The following TENM2 variants were observed in gnomAD, a reference collection of about 807,000 sequenced individuals.
TENM2 encodes the protein teneurin transmembrane protein 2.
TENM2 carries 52 observed loss-of-function variants against 245.2 expected under a neutral mutation model. That is an observed-to-expected ratio of 0.21 (90% CI 0.17 to 0.27). TENM2 has a LOEUF of 0.27. Among genes scored for constraint, TENM2 ranks in the 10% least tolerant of loss-of-function variants. The probability of loss-of-function intolerance (pLI) is 1.00; values close to 1 mark genes in which losing one functional copy is unlikely to be tolerated. For missense variants in TENM2, 3,046 were observed against 3,666.8 expected (o/e 0.83, Z 4.37); for synonymous variants, 1,363 against 1,438.9 (o/e 0.95, Z 1.19).
At chr5:167,754,570 A>G (rs1326196107) in intron 2 of TENM2, among the ~76,000 whole-genome samples, 1 of 152,158 alleles carries the variant, frequency 6.6e-6, no homozygotes, top group Non-Finnish European at 1.5e-5. Flanking sequence ...CTTCTGCCTA[A>G]GTGGAAATGC....
chr5:167,429,033 G>A (rs991750921), intron 2 of TENM2, among the ~76,000 whole-genome samples: 8 of 152,046 alleles, frequency 5.3e-5, no homozygotes, highest in Admixed American at 2.6e-4. Flanking sequence ...TTTTATACAC[G>A]TGTGTTTTTT....
chr5:167,979,290 C>G lies in TENM2; in HGVS notation c.948-13654C>G, dbSNP rs2617982. 5.2e-3 allele frequency among the ~76,000 whole-genome samples: 787 copies of G among 152,260 alleles called. 6 individuals carry two copies. The highest frequency in any genetic ancestry group is 0.018 in the African/African-American group (742 of 41,538). ...GGATTTTTCCAAGATTAAAACCATT[C>G]TATCATATTCTATTAAAAGTGATTT... On this transcript the variant is annotated intron_variant, in intron 4 of 28. Coordinates refer to ENST00000518659, the Ensembl canonical transcript of TENM2.
chr5:168,263,050 T>A, downstream of TENM2: 1 of 473,450 alleles, frequency 2.1e-6, no homozygotes, highest in Non-Finnish European at 3.8e-6. Flanking sequence ...AACGAATGAA[T>A]GAACAGACAC....
chr5:167,208,468 A>G, the TENM2 span, among the ~76,000 whole-genome samples: 1 of 152,212 alleles, frequency 6.6e-6, no homozygotes, highest in Non-Finnish European at 1.5e-5. Flanking sequence ...GAAGTGCTAT[A>G]AAATAAATAA....
intron 8 of TENM2, among the ~76,000 whole-genome samples, chr5:168,096,910 A>G (rs1180904566): frequency 6.6e-6 from 1 of 152,232 alleles, no homozygotes; most frequent in Non-Finnish European, 1.5e-5. Flanking sequence ...GTGCAGACCC[A>G]AATCAACATT....
At chr5:167,589,158 T>A (rs1775705892) in intron 2 of TENM2, among the ~76,000 whole-genome samples, 1 of 148,328 alleles carries the variant, frequency 6.7e-6, no homozygotes, top group Admixed American at 6.8e-5. Context: ...ACTGAGATTG[T>A]GCCATTGCAT....
At chr5:167,787,905 G>C (rs1413204273) in intron 2 of TENM2, among the ~76,000 whole-genome samples, 3 of 152,228 alleles carry the variant, frequency 2.0e-5, no homozygotes, top group Non-Finnish European at 2.9e-5. Flanking sequence ...TGAGATCATA[G>C]CATAGATCTT....
intron 3 of TENM2, among the ~76,000 whole-genome samples, chr5:167,881,558 A>T (rs1442920406): frequency 6.6e-6 from 1 of 152,202 alleles, no homozygotes; most frequent in Non-Finnish European, 1.5e-5. Flanking sequence ...AAGTGCAAAC[A>T]TCATTCACTT....
At chr5:167,339,040 C>T (rs1001892529) in intron 1 of TENM2, among the ~76,000 whole-genome samples, 3 of 152,180 alleles carry the variant, frequency 2.0e-5, no homozygotes, top group African/African-American at 7.2e-5. Flanking sequence ...GCATTCCACC[C>T]TTGGTCTCCC....
chr5:168,133,550 AAG>A (rs1278502041), intron 12 of TENM2, among the ~76,000 whole-genome samples: 1 of 152,188 alleles, frequency 6.6e-6, no homozygotes, highest in African/African-American at 2.4e-5. Flanking sequence ...ATATACACTA[AAG>A]ACTTTACATT....
chr5:167,591,636 A>C (rs1367147564), intron 2 of TENM2, among the ~76,000 whole-genome samples: 1 of 152,232 alleles, frequency 6.6e-6, no homozygotes, highest in African/African-American at 2.4e-5. Context: ...CATACATAGT[A>C]GCTCTATAAC....
intron 2 of TENM2, among the ~76,000 whole-genome samples, chr5:167,621,970 C>A (rs1450119549): frequency 6.6e-6 from 1 of 152,110 alleles, no homozygotes; most frequent in Non-Finnish European, 1.5e-5. Context: ...TTATAAAAAT[C>A]TTAAAGGCAA....
At chr5:167,658,902 T>A (rs941323386) in intron 2 of TENM2, among the ~76,000 whole-genome samples, 1 of 152,198 alleles carries the variant, frequency 6.6e-6, no homozygotes, top group African/African-American at 2.4e-5. Flanking sequence ...TTGAGTTCCC[T>A]GGTTTTAATT....
chr5:167,617,332 A>G (rs1777857039), intron 2 of TENM2, among the ~76,000 whole-genome samples: 1 of 152,148 alleles, frequency 6.6e-6, no homozygotes, highest in Admixed American at 6.5e-5. Context: ...ACCAGTGACA[A>G]TGTTCTGGGT....
chr5:167,026,776 G>A, the TENM2 span, among the ~76,000 whole-genome samples: 10 of 152,204 alleles, frequency 6.6e-5, no homozygotes, highest in Non-Finnish European at 1.2e-4. Flanking sequence ...ATGTGTGGAA[G>A]TTTTCCAGTT....
chr5:167,046,602 G>A, the TENM2 span, among the ~76,000 whole-genome samples: 1 of 152,178 alleles, frequency 6.6e-6, no homozygotes, highest in African/African-American at 2.4e-5. Flanking sequence ...AGGTCAGTGT[G>A]AGTGTCTCCA....
chr5:167,603,975 A>G (rs1776838892), intron 2 of TENM2, among the ~76,000 whole-genome samples: 1 of 152,206 alleles, frequency 6.6e-6, no homozygotes, highest in Admixed American at 6.5e-5. Flanking sequence ...GGGATAAGGT[A>G]CAAATTTCCC....
chr5:167,599,529 G>A (rs940588614), intron 2 of TENM2, among the ~76,000 whole-genome samples: 1 of 152,122 alleles, frequency 6.6e-6, no homozygotes, highest in Non-Finnish European at 1.5e-5. Context: ...AATACTGCCA[G>A]CAAAAATAGT....
At chr5:166,982,249 A>G in the TENM2 span, among the ~76,000 whole-genome samples, 1 of 152,110 alleles carries the variant, frequency 6.6e-6, no homozygotes, top group Non-Finnish European at 1.5e-5. Context: ...ATTTGGCTGT[A>G]TTGTTAGAGT....
Sources: allele counts gnomAD v4.1 joint callset (sites outside exome capture counted in the v4.1 genomes callset), GRCh38; gene constraint gnomAD v4.1.1; transcripts MANE v1.5; gene names NCBI Gene and HGNC (gene_info 2026-07-23, HGNC 2026-07-21).